Variants in FGFR1 observed in about 807,000 individuals in gnomAD.
FGFR1 encodes the protein FGFR1/PLAG1 fusion.
In FGFR1, 18 loss-of-function variants were observed where a neutral mutation model predicts 93.7. The observed-to-expected ratio is 0.19, with a 90% CI of 0.13 to 0.28. FGFR1 has a LOEUF of 0.28. Among genes scored for constraint, FGFR1 ranks in the 10% least tolerant of loss-of-function variants. FGFR1 has a pLI of 1.00. For missense variants in FGFR1, 731 were observed against 1,080.4 expected (o/e 0.68, Z 4.53); for synonymous variants, 448 against 429.3 (o/e 1.04, Z -0.54).
intron 15 of FGFR1, 26 bp from the exon 16 acceptor site, chr8:38,414,315 G>A (rs999999057): frequency 5.0e-6 from 8 of 1,613,952 alleles, no homozygotes; most frequent in African/African-American, 1.3e-5. Flanking sequence ...GAGCCACAGG[G>A]TGTTAGAGCT....
Position 38,411,542 on chromosome 8 carries a change from C to A in FGFR1, c.*2086G>T, listed in dbSNP as rs1468162628. 4.4e-6 allele frequency: 1 copy of A among 228,376 alleles called. No homozygotes were observed. Among genetic ancestry groups the A allele is most frequent in the Admixed American group, 5.7e-5 (1 of 17,604 alleles). The allele number at this position is 228,376 out of a possible 1,614,324, so 14.1% of individuals were successfully genotyped here. A position where few individuals can be genotyped will look rare whatever the true frequency, so the allele number is the denominator to read the frequency against. On this transcript the variant is annotated 3_prime_UTR_variant, in exon 18 of 18. Transcript: ENST00000447712. Reference sequence around the variant, plus strand: ...ACAATAGTCGCCAACACTGCAGCTGCCAAAAAATCCCTAGCTCAGAAATTT... The same window carrying A: ...ACAATAGTCGCCAACACTGCAGCTGACAAAAAATCCCTAGCTCAGAAATTT...
chr8:38,430,295 G>A (rs148801249), intron 2 of FGFR1: 10 of 281,704 alleles, frequency 3.5e-5, no homozygotes, highest in East Asian at 3.4e-4. Flanking sequence ...CTTTGTGTCC[G>A]GAGTTGCCCC....
At chr8:38,464,251 G>A (rs1470895292) in intron 1 of FGFR1, among the ~76,000 whole-genome samples, 1 of 149,516 alleles carries the variant, frequency 6.7e-6, no homozygotes, top group African/African-American at 2.5e-5. Context: ...GAAGGCGGAG[G>A]TTGCAGTGAC....
rs549977829 is a variant in FGFR1 at position 38,441,232 on chromosome 8, G to A, written c.92-11284C>T. ...ATAACGCAGCCTGAGAACTGAGTTT[G>A]GGGCTCAAGCTTCTATGCACGGATT... is the stretch of plus-strand genomic sequence containing the variant. On this transcript the variant is annotated intron_variant, in intron 2 of 17. Coordinates refer to ENST00000447712, the MANE Select transcript of FGFR1 (RefSeq NM_023110.3). 1.2e-3 allele frequency among the ~76,000 whole-genome samples: 180 copies of A among 152,286 alleles called. 2 individuals carry two copies. The highest frequency in any genetic ancestry group is 4.9e-4 in the Non-Finnish European group (33 of 68,018).
intron 2 of FGFR1, among the ~76,000 whole-genome samples, chr8:38,446,546 G>A (rs1323870042): frequency 1.3e-5 from 2 of 151,902 alleles, no homozygotes; most frequent in Non-Finnish European, 2.9e-5. Context: ...CCGAGTAGCT[G>A]GGATTACAGG....
chr8:38,466,578 C>A (rs916732251), intron 1 of FGFR1: 33 of 230,572 alleles, frequency 1.4e-4, no homozygotes, highest in Non-Finnish European at 2.6e-4. Context: ...TCTTAAATAA[C>A]TCGGGATCCA....
chr8:38,445,365 G>A (rs1828956057), intron 2 of FGFR1, among the ~76,000 whole-genome samples: 1 of 152,208 alleles, frequency 6.6e-6, no homozygotes, highest in Non-Finnish European at 1.5e-5. Context: ...TATACATGGA[G>A]GATTCACTTT....
At chr8:38,422,413 CTCT>C in intron 7 of FGFR1, 1 of 355,588 alleles carries the variant, frequency 2.8e-6, no homozygotes, top group South Asian at 3.9e-5. Context: ...CCCCTTCTCT[CTCT>C]TTTTTAAGAG....
Position 38,468,419 on chromosome 8 carries a change from G to C in FGFR1, c.-527C>G. Reference sequence around the variant, plus strand: ...CGGAGAAAAGTCCTTGGGTTCCGCGGCTTTTCAAGCAGCGGCGCGCTCGCG... The same window carrying C: ...CGGAGAAAAGTCCTTGGGTTCCGCGCCTTTTCAAGCAGCGGCGCGCTCGCG... On this transcript the variant is annotated 5_prime_UTR_variant, in exon 1 of 18. Transcript: ENST00000447712. 4.4e-6 allele frequency: 1 copy of C among 228,428 alleles called. No homozygotes were observed. The highest frequency in any genetic ancestry group is 8.7e-6 in the Non-Finnish European group (1 of 114,772). 14.2% of individuals were successfully genotyped at this position (228,428 alleles called of 1,614,324 possible).
intron 1 of FGFR1, among the ~76,000 whole-genome samples, chr8:38,462,178 C>T (rs762968858): frequency 6.6e-6 from 1 of 152,122 alleles, no homozygotes; most frequent in African/African-American, 2.4e-5. Context: ...AATATAGTTA[C>T]ATTAAATAAA....
chr8:38,445,591 T>A (rs1233877363), intron 2 of FGFR1, among the ~76,000 whole-genome samples: 1 of 152,116 alleles, frequency 6.6e-6, no homozygotes, highest in Admixed American at 6.6e-5. Flanking sequence ...CAGGCTGGAG[T>A]GCAATGGTGC....
intron 2 of FGFR1, among the ~76,000 whole-genome samples, chr8:38,446,144 C>CA (rs1829186924): frequency 6.6e-6 from 1 of 151,578 alleles, no homozygotes; most frequent in Non-Finnish European, 1.5e-5. Flanking sequence ...AGATCACTTC[C>CA]CTGTTCACAT....
intron 1 of FGFR1, 53 bp from the exon 2 acceptor site, chr8:38,457,587 G>A (rs1833208237): frequency 7.2e-6 from 11 of 1,521,548 alleles, no homozygotes; most frequent in Middle Eastern, 1.7e-4. Context: ...TAGGGGAGGG[G>A]AAAGGAAAAA....
rs114726150 is a variant in FGFR1 at position 38,451,717 on chromosome 8, A to C, written c.91+5639T>G. Among the ~76,000 whole-genome samples the C allele has an allele frequency of 7.4e-3, 1,125 of 152,190 alleles. 12 individuals carry two copies. The highest frequency in any genetic ancestry group is 0.026 in the African/African-American group (1,059 of 41,502). ...AGGAGCTGTAAAACTCAGCCCATTA[A>C]ATCACTTCTGAGCTGCAGGTTTTCT... On this transcript the variant is annotated intron_variant, in intron 2 of 17. Transcript: ENST00000447712.
rs1421889623 is a variant in FGFR1, at chr8:38,424,566, G to A, written c.879C>T (p.Ile293=). The change falls in exon 7 of 18, where the codon ATC becomes ATT. Residue 293 remains isoleucine (I), a synonymous_variant. Coordinates refer to ENST00000447712, the MANE Select transcript of FGFR1 (RefSeq NM_023110.3). This position sits in a 1 kb window ranked among gnomAD's most constrained non-coding sequence, Gnocchi z 4.3. ...PQPHIQWLKH[I]EVNGSKIGPD... The stretch of plus-strand genomic sequence containing the variant: ...GGCCAATCTTGCTCCCATTCACCTC[G>A]ATGTGCTTTAGCCACTGGATGTGCG... 8 of 1,614,184 alleles carry A rather than the reference G, an allele frequency of 5.0e-6. No homozygotes were observed. The highest frequency in any genetic ancestry group is 5.9e-6 in the Non-Finnish European group (7 of 1,180,034).
intron 2 of FGFR1, among the ~76,000 whole-genome samples, chr8:38,445,103 G>A (rs946895699): frequency 6.6e-6 from 1 of 152,126 alleles, no homozygotes; most frequent in East Asian, 1.9e-4. Flanking sequence ...GTTTCACCTG[G>A]GTCTTGTGAG....
At chr8:38,432,905 C>T (rs957221784) in intron 2 of FGFR1, among the ~76,000 whole-genome samples, 3 of 122,026 alleles carry the variant, frequency 2.5e-5, no homozygotes, top group Non-Finnish European at 3.7e-5. Context: ...CCCTCCCCAC[C>T]GCGCCCCCCC....
intron 2 of FGFR1, among the ~76,000 whole-genome samples, chr8:38,442,036 A>G (rs920953590): frequency 1.6e-4 from 25 of 152,168 alleles, no homozygotes; most frequent in African/African-American, 6.0e-4. Context: ...AGGAAAACAT[A>G]CTATTTCGGA....
At position 38,424,726 on chromosome 8, in the gene FGFR1, T is replaced by C. The variant is rs1820108096; in HGVS notation, c.746-27A>G. The C allele has an allele frequency of 1.9e-6, 3 of 1,603,158 alleles. No homozygotes were observed. The highest frequency in any genetic ancestry group is 1.7e-5 in the Admixed American group (1 of 59,718). ...TGTGGAAGATGGGAGAGGAGGCACT[T>C]GTCATGGGGACCTTGCCATGGCTAA... On this transcript the variant is annotated intron_variant, in intron 6 of 17. Transcript: ENST00000447712. This position sits in a 1 kb window ranked among gnomAD's most constrained non-coding sequence, Gnocchi z 4.3.
Sources: allele counts gnomAD v4.1 joint callset (sites outside exome capture counted in the v4.1 genomes callset), GRCh38; gene constraint gnomAD v4.1.1; non-coding constraint Gnocchi (gnomAD v3.1); transcripts MANE v1.5; gene names NCBI Gene and HGNC (gene_info 2026-07-23, HGNC 2026-07-21).